Variants in RAI1 observed in about 807,000 individuals in gnomAD.
The protein encoded by RAI1 is retinoic acid-induced protein 1.
Under a neutral mutation model 123.8 loss-of-function variants are expected in RAI1, and 9 were observed. That is an observed-to-expected ratio of 0.07 (90% CI 0.04 to 0.13). RAI1 has a LOEUF of 0.13. RAI1 is among the 10% of genes least tolerant of loss of function. The probability of loss-of-function intolerance (pLI) is 1.00; values close to 1 mark genes in which losing one functional copy is unlikely to be tolerated. For missense variants in RAI1, 2,256 were observed against 2,545.8 expected, an observed-to-expected ratio of 0.89 and a Z score of 2.45; for synonymous variants, 1,231 against 1,127.3, an observed-to-expected ratio of 1.09 and a Z score of -1.84.
chr17:17,715,581 T>C (rs1915685231), intron 1 of RAI1, among the ~76,000 whole-genome samples: 2 of 152,124 alleles, frequency 1.3e-5, no homozygotes, highest in African/African-American at 4.8e-5. Context: ...TTGGCGTCTT[T>C]CCTCTGCCTC....
intron 1 of RAI1, among the ~76,000 whole-genome samples, chr17:17,702,181 A>AG (rs750469582): frequency 1.0e-3 from 156 of 152,328 alleles, no homozygotes; most frequent in South Asian, 2.1e-3. Context: ...AGAGGGAGTA[A>AG]GGGACAACCA....
At chr17:17,772,846 A>T (rs1320497035) in intron 2 of RAI1, among the ~76,000 whole-genome samples, 1 of 152,114 alleles carries the variant, frequency 6.6e-6, no homozygotes, top group Non-Finnish European at 1.5e-5. Context: ...TGTATGGCAT[A>T]CAGTAAGCAC....
chr17:17,765,190 C>T (rs995524674), intron 2 of RAI1, among the ~76,000 whole-genome samples: 2 of 152,198 alleles, frequency 1.3e-5, no homozygotes, highest in African/African-American at 2.4e-5. Flanking sequence ...ATATACCTGC[C>T]GTGAACATTC....
rs2032621156 is a variant in RAI1 at position 17,807,672 on chromosome 17, A to T, written c.5660-1718A>T. On this transcript the variant is annotated intron_variant, in intron 4 of 5. Coordinates refer to ENST00000353383, the MANE Select transcript of RAI1 (RefSeq NM_030665.4). ...GCCCCATGTGGGGTGGTGCTGGGGC[A>T]GTGCTGAGGGAGCCAGTTTGGAAGT... Among the ~76,000 whole-genome samples the T allele has an allele frequency of 2.6e-5, 4 of 152,326 alleles. No individual in the cohort carries two copies. The South Asian group carries it at 8.3e-4, about 32-fold the overall frequency.
chr17:17,790,618 G>GA (rs542715551), intron 2 of RAI1, among the ~76,000 whole-genome samples: 58 of 150,998 alleles, frequency 3.8e-4, no homozygotes, highest in African/African-American at 9.2e-4. Context: ...TGGAGAATGT[G>GA]AAAAAAAATA....
intron 1 of RAI1, among the ~76,000 whole-genome samples, chr17:17,687,053 A>C (rs1914667243): frequency 6.6e-6 from 1 of 151,932 alleles, no homozygotes; most frequent in South Asian, 2.1e-4. Context: ...GTGCGATCTC[A>C]GCTCACTGCA....
Position 17,797,853 on chromosome 17 carries a change from ATCCTCG to A in RAI1, c.4913_4918del (p.Ser1638_Ser1639del), listed in dbSNP as rs1341693032. ...CTTCCTCCTCTGCCTCCTCTTCCTC[ATCCTCG>A]TCCTCGTTCTCCTTGGATGCAGCCG... is the stretch of plus-strand genomic sequence containing the variant. On this transcript the variant is annotated inframe_deletion, in exon 3 of 6. Transcript: ENST00000353383. The A allele has an allele frequency of 1.9e-6, 3 of 1,613,586 alleles. No homozygotes were observed. Among genetic ancestry groups the A allele is most frequent in the Non-Finnish European group, 2.5e-6 (3 of 1,179,924 alleles).
chr17:17,717,887 G>T (rs1915761005), intron 1 of RAI1, among the ~76,000 whole-genome samples: 1 of 152,190 alleles, frequency 6.6e-6, no homozygotes, highest in Non-Finnish European at 1.5e-5. Context: ...GGGGTCAAGG[G>T]GGGCTTAGAC....
At chr17:17,692,413 G>A (rs968677904) in intron 1 of RAI1, among the ~76,000 whole-genome samples, 3 of 152,220 alleles carry the variant, frequency 2.0e-5, no homozygotes, top group African/African-American at 7.2e-5. Flanking sequence ...TATTGTGCCA[G>A]GCATTGGGTG....
At chr17:17,770,787 C>A in intron 2 of RAI1, 1 of 152,420 alleles carries the variant, frequency 6.6e-6, no homozygotes. Context: ...ATTAGCCAAG[C>A]ACTAATGGGC....
intron 2 of RAI1, among the ~76,000 whole-genome samples, chr17:17,783,075 G>GGGCC (rs144240699): frequency 1.3e-5 from 2 of 152,146 alleles, no homozygotes; most frequent in Non-Finnish European, 2.9e-5. Context: ...GGGGGCTGGT[G>GGGCC]GCAGCCCCCC....
chr17:17,694,755 G>A (rs1033733028), intron 1 of RAI1, among the ~76,000 whole-genome samples: 8 of 149,982 alleles, frequency 5.3e-5, no homozygotes, highest in Non-Finnish European at 1.2e-4. Context: ...GAGGCCAGGC[G>A]GGGGGCGAGG....
intron 1 of RAI1, among the ~76,000 whole-genome samples, chr17:17,705,129 CA>C (rs1915352731): frequency 6.6e-6 from 1 of 152,194 alleles, no homozygotes; most frequent in African/African-American, 2.4e-5. Flanking sequence ...ACATGGCTAG[CA>C]CATCCTGACT....
At chr17:17,782,371 G>A (rs1248464253) in intron 2 of RAI1, among the ~76,000 whole-genome samples, 1 of 152,018 alleles carries the variant, frequency 6.6e-6, no homozygotes, top group Non-Finnish European at 1.5e-5. Context: ...GACTCCAGGG[G>A]AGGTGGCGTT....
At chr17:17,742,440 T>C (rs1264624249) in intron 2 of RAI1, among the ~76,000 whole-genome samples, 3 of 152,180 alleles carry the variant, frequency 2.0e-5, no homozygotes, top group Non-Finnish European at 4.4e-5. Context: ...AATGAATGAA[T>C]GAACGAGTGA....
intron 1 of RAI1, among the ~76,000 whole-genome samples, chr17:17,722,312 G>T (rs1222913955): frequency 1.3e-5 from 2 of 152,206 alleles, no homozygotes; most frequent in African/African-American, 4.8e-5. Context: ...GAGCGGCCGG[G>T]AGAGGGGCGG....
At chr17:17,718,223 G>T (rs1194601309) in intron 1 of RAI1, among the ~76,000 whole-genome samples, 1 of 152,098 alleles carries the variant, frequency 6.6e-6, no homozygotes, top group African/African-American at 2.4e-5. Flanking sequence ...GGGTGGGTGG[G>T]CCAGATTAGC....
intron 1 of RAI1, among the ~76,000 whole-genome samples, chr17:17,700,473 C>T (rs918789307): frequency 3.3e-5 from 5 of 152,026 alleles, no homozygotes; most frequent in African/African-American, 1.2e-4. Flanking sequence ...AAAGCGTCTT[C>T]TCGTTCTTAT....
chr17:17,809,683 C>G lies in RAI1; in HGVS notation c.5709+244C>G, dbSNP rs940737049. Among the ~76,000 whole-genome samples, 6 of 152,104 alleles carry G rather than the reference C, an allele frequency of 3.9e-5. No individual in the cohort carries two copies. The highest frequency in any genetic ancestry group is 1.4e-4 in the African/African-American group (6 of 41,430). Reference sequence around the variant, plus strand: ...GCGTCGGGGCATGGGCAGCCAGGGGCTGGAGGGCGTCCCTGGGACGGCCTC... The same window carrying G: ...GCGTCGGGGCATGGGCAGCCAGGGGGTGGAGGGCGTCCCTGGGACGGCCTC... On this transcript the variant is annotated intron_variant, in intron 5 of 5. Coordinates refer to ENST00000353383, the MANE Select transcript of RAI1 (RefSeq NM_030665.4). The surrounding 1 kb of genome is among the most constrained non-coding windows in gnomAD (Gnocchi z 4.9).
Sources: allele counts gnomAD v4.1 joint callset (sites outside exome capture counted in the v4.1 genomes callset), GRCh38; gene constraint gnomAD v4.1.1; non-coding constraint Gnocchi (gnomAD v3.1); transcripts MANE v1.5; gene names NCBI Gene and HGNC (gene_info 2026-07-23, HGNC 2026-07-21).